The following MPP7 variants were observed in gnomAD, a reference collection of about 807,000 sequenced individuals.
MPP7 encodes the protein MAGUK p55 scaffold protein 7.
A neutral mutation model predicts 76.5 loss-of-function variants in MPP7; 60 were observed. The ratio of observed to expected loss-of-function variants is 0.78; its 90% CI spans 0.64 to 0.97. The LOEUF (loss-of-function observed/expected upper bound fraction) is 0.97, where lower values mean the gene tolerates loss of function less well. Among genes scored for constraint, MPP7 ranks in the 50% least tolerant of loss-of-function variants. The probability of loss-of-function intolerance (pLI) is 0.00; values close to 1 mark genes in which losing one functional copy is unlikely to be tolerated. For synonymous variants in MPP7, 237 were observed against 244.5 expected (o/e 0.97, Z 0.29); for missense variants, 641 against 694.0 (o/e 0.92, Z 0.86).
At chr10:28,141,871 A>G (rs1397789598) in intron 5 of MPP7, among the ~76,000 whole-genome samples, 5 of 152,156 alleles carry the variant, frequency 3.3e-5, no homozygotes, top group African/African-American at 1.2e-4. Flanking sequence ...CAATTACTAA[A>G]ACAATAAGAT....
At chr10:28,290,193 T>C (rs1312522197) in intron 1 of MPP7, among the ~76,000 whole-genome samples, 1 of 152,166 alleles carries the variant, frequency 6.6e-6, no homozygotes, top group Non-Finnish European at 1.5e-5. Flanking sequence ...TAGTTTCTCT[T>C]GGAGCAATAA....
chr10:28,056,091 G>T (rs1344798096), intron 16 of MPP7, among the ~76,000 whole-genome samples: 1 of 151,972 alleles, frequency 6.6e-6, no homozygotes, highest in Admixed American at 6.6e-5. Context: ...TGTGGTTGTT[G>T]TTGAGACAGG....
At chr10:28,331,472 C>T (rs1035002912) in intron 1 of MPP7, among the ~76,000 whole-genome samples, 8 of 152,078 alleles carry the variant, frequency 5.3e-5, no homozygotes, top group Non-Finnish European at 7.4e-5. Flanking sequence ...TTGTTGGTCT[C>T]GCTCATAATT....
chr10:28,135,739 G>T (rs1435398953), intron 5 of MPP7, among the ~76,000 whole-genome samples: 1 of 151,644 alleles, frequency 6.6e-6, no homozygotes, highest in Non-Finnish European at 1.5e-5. Context: ...ATAAGCCCAA[G>T]ATTTAATGCT....
At chr10:28,298,902 C>T (rs926643802) in intron 1 of MPP7, among the ~76,000 whole-genome samples, 3 of 152,216 alleles carry the variant, frequency 2.0e-5, no homozygotes, top group Non-Finnish European at 2.9e-5. Context: ...CCTTAAACCT[C>T]ATGAACCAAC....
rs561498584 is a variant in MPP7, at chr10:28,131,781, A to G, written c.316-90T>C. On this transcript the variant is annotated intron_variant, in intron 5 of 16. Coordinates refer to ENST00000683449, the MANE Select transcript of MPP7 (RefSeq NM_001318170.2). ...TATAAAATTTCAAACACATCAAACT[A>G]TAAGGAAAATCAAAACAGTGTTACG... 1.5e-5 allele frequency: 9 copies of G among 617,980 alleles called. 1 individual carries two copies. The East Asian group carries it at 3.6e-4, about 25-fold the overall frequency. The allele number at this position is 617,980 out of a possible 1,614,324, so 38.3% of individuals were successfully genotyped here.
intron 3 of MPP7, among the ~76,000 whole-genome samples, chr10:28,191,028 G>C (rs914204499): frequency 1.3e-5 from 2 of 152,104 alleles, no homozygotes; most frequent in African/African-American, 4.8e-5. Flanking sequence ...AATTTGATAA[G>C]TTAGATGATA....
intron 11 of MPP7, among the ~76,000 whole-genome samples, chr10:28,097,971 G>A (rs1388773109): frequency 6.6e-6 from 1 of 152,036 alleles, no homozygotes; most frequent in Non-Finnish European, 1.5e-5. Flanking sequence ...TTAAAACTTG[G>A]ACAGTTGCAA....
chr10:28,103,766 T>C (rs1338186979), intron 11 of MPP7, among the ~76,000 whole-genome samples: 2 of 151,882 alleles, frequency 1.3e-5, no homozygotes, highest in African/African-American at 4.8e-5. Flanking sequence ...AATCCAGAAA[T>C]AGCATTATAA....
At chr10:28,057,844 T>C (rs1851623546) in intron 15 of MPP7, 2 of 1,259,500 alleles carry the variant, frequency 1.6e-6, no homozygotes, top group African/African-American at 3.1e-5. Flanking sequence ...GGAGAAACCA[T>C]GGTCCCTGGG....
At chr10:28,147,682 G>C in intron 4 of MPP7, 119 bp from the exon 5 acceptor site, 1 of 843,688 alleles carries the variant, frequency 1.2e-6, no homozygotes, top group Non-Finnish European at 2.0e-6. Context: ...TTAAGGAGAG[G>C]TCAGCATAAA....
chr10:28,186,957 T>TA, intron 3 of MPP7, among the ~76,000 whole-genome samples: 1 of 152,318 alleles, frequency 6.6e-6, no homozygotes, highest in African/African-American at 2.4e-5. Context: ...AAATAAGTGT[T>TA]ACAAATTTCC....
intron 8 of MPP7, among the ~76,000 whole-genome samples, chr10:28,123,136 A>G (rs1834897535): frequency 6.6e-6 from 1 of 152,238 alleles, no homozygotes; most frequent in African/African-American, 2.4e-5. Flanking sequence ...ATTTTCATAT[A>G]TACAGAGATC....
At chr10:28,304,283 C>T (rs1363822826), upstream of MPP7, among the ~76,000 whole-genome samples, 2 of 152,174 alleles carry the variant, frequency 1.3e-5, no homozygotes, top group Non-Finnish European at 2.9e-5. Context: ...GCTGCCTTAA[C>T]ATTCTGTTTG....
intron 1 of MPP7, among the ~76,000 whole-genome samples, chr10:28,250,826 A>G (rs138372472): frequency 2.8e-4 from 42 of 152,334 alleles, no homozygotes; most frequent in African/African-American, 9.6e-4. Flanking sequence ...CATGTATGTT[A>G]CCACACTGCC....
chr10:28,100,099 T>C lies in MPP7; in HGVS notation c.953-10258A>G, dbSNP rs1431875104. ...CTACAAGGAAAAAAAAAATTTACTATAAGTGAACTTCTTAAGAAGATTAAA... is the reference window on the plus strand; with the variant it reads ...CTACAAGGAAAAAAAAAATTTACTACAAGTGAACTTCTTAAGAAGATTAAA... On this transcript the variant is annotated intron_variant, in intron 11 of 16. Transcript: ENST00000683449. Among the ~76,000 whole-genome samples, 4 of 145,406 alleles carry C rather than the reference T, an allele frequency of 2.8e-5. No individual in the cohort carries two copies. In the Admixed American group the frequency reaches 2.8e-4, roughly 10 times the overall value.
intron 1 of MPP7, among the ~76,000 whole-genome samples, chr10:28,299,480 G>A (rs966710735): frequency 2.0e-5 from 3 of 152,022 alleles, no homozygotes; most frequent in Admixed American, 6.6e-5. Context: ...AATTAGAATC[G>A]TAACATCAAA....
chr10:28,128,926 T>C (rs547514236), intron 6 of MPP7, among the ~76,000 whole-genome samples: 1 of 152,322 alleles, frequency 6.6e-6, no homozygotes, highest in East Asian at 1.9e-4. Flanking sequence ...CTCCAACGCA[T>C]AAGGGTCTCA....
rs1851440758 is a variant in MPP7 at position 28,053,743 on chromosome 10, A to G, written c.*322T>C. 4.2e-6 allele frequency: 1 copy of G among 240,170 alleles called. No homozygotes were observed. The highest frequency in any genetic ancestry group is 7.9e-6 in the Non-Finnish European group (1 of 127,058). 14.9% of individuals were successfully genotyped at this position (240,170 alleles called of 1,614,324 possible). On this transcript the variant is annotated 3_prime_UTR_variant, in exon 17 of 17. Transcript: ENST00000683449. ...CACCTGAGACCAGCAGAAGCGCTGAACTCCCATACATACTAAGCCTCTAGC... is the reference window on the plus strand; with the variant it reads ...CACCTGAGACCAGCAGAAGCGCTGAGCTCCCATACATACTAAGCCTCTAGC...
Sources: gnomAD v4.1 joint callset for allele counts (sites outside exome capture counted in the v4.1 genomes callset) on GRCh38, gnomAD v4.1.1 for gene constraint, MANE v1.5 for transcripts, NCBI Gene and HGNC (gene_info 2026-07-23, HGNC 2026-07-21) for gene names.